The following C1orf167 variants were observed in gnomAD, a reference collection of about 807,000 sequenced individuals.
The protein encoded by C1orf167 is chromosome 1 open reading frame 167, also known as uncharacterized protein C1orf167.
Under a neutral mutation model 176.5 loss-of-function variants are expected in C1orf167, and 153 were observed. The observed-to-expected ratio is 0.87, with a 90% CI of 0.76 to 0.99. The LOEUF (loss-of-function observed/expected upper bound fraction) is 0.99, where lower values mean the gene tolerates loss of function less well. C1orf167 is among the 50% of genes least tolerant of loss of function. The probability of loss-of-function intolerance (pLI) is 0.00; values close to 1 mark genes in which losing one functional copy is unlikely to be tolerated. For synonymous variants in C1orf167, 594 were observed against 752.7 expected (o/e 0.79, Z 3.45); for missense variants, 1,490 against 1,817.7 (o/e 0.82, Z 3.28).
In C1orf167 at chr1:11,775,630, C is replaced by A. The variant is rs1454474040; in HGVS notation, c.2164+20C>A. 1 of 1,292,270 alleles carries A rather than the reference C, an allele frequency of 7.7e-7. No individual in the cohort carries two copies. The highest frequency in any genetic ancestry group is 1.3e-5 in the South Asian group (1 of 79,416). The allele number at this position is 1,292,270 out of a possible 1,614,324, so 80.1% of individuals were successfully genotyped here. On this transcript the variant is annotated intron_variant, in intron 9 of 20. Transcript: ENST00000688073. ...AAGCAGGTGAGCTAGTGTTGGCTTC[C>A]GCCCCAGCAAACCGTGTCACTTAAG...
chr1:11,783,264 T>G (rs1019902285), intron 14 of C1orf167, among the ~76,000 whole-genome samples: 3 of 152,034 alleles, frequency 2.0e-5, no homozygotes, highest in Admixed American at 2.0e-4. Flanking sequence ...GTTTGTTTTT[T>G]GAGACAGAGT....
At position 11,788,023 on chromosome 1, in the gene C1orf167, G is replaced by C. The variant is rs371188005; in HGVS notation, c.3824G>C (p.Ser1275Thr). 37 of 1,301,114 alleles carry C rather than the reference G, an allele frequency of 2.8e-5. No individual in the cohort carries two copies. Among genetic ancestry groups the C allele is most frequent in the Non-Finnish European group, 3.4e-5 (34 of 987,464 alleles). The allele number at this position is 1,301,114 out of a possible 1,614,324, so 80.6% of individuals were successfully genotyped here. ...SPEPRACKAQSKAHKRRLRAR... is the reference protein window; with the variant it reads ...SPEPRACKAQTKAHKRRLRAR... ...GAGCCCAGAGCCTGCAAAGCCCAAAGCAAGGCCCATAAACGGAGGCTACGG... is the reference window on the plus strand; with the variant it reads ...GAGCCCAGAGCCTGCAAAGCCCAAACCAAGGCCCATAAACGGAGGCTACGG... Residue 1275 changes from serine to threonine, a missense_variant, in exon 18 of 21, where the codon AGC becomes ACC. By Grantham distance (58) the Ser-to-Thr change is moderately conservative. Coordinates refer to ENST00000688073, the MANE Select transcript of C1orf167 (RefSeq NM_001010881.2).
chr1:11,767,488 G>A (rs1441998634), intron 4 of C1orf167, among the ~76,000 whole-genome samples: 1 of 152,116 alleles, frequency 6.6e-6, no homozygotes, highest in East Asian at 1.9e-4. Flanking sequence ...GGGACACTGA[G>A]TGTCCTGAAC....
rs1355913522 is a variant in C1orf167, at chr1:11,775,615, G to A, written c.2164+5G>A. ...CCCTCTGCCGGCAGAAAGCAGGTGA[G>A]CTAGTGTTGGCTTCCGCCCCAGCAA... On this transcript the variant is annotated splice_donor_5th_base_variant and intron_variant, in intron 9 of 20. Transcript: ENST00000688073. 3.8e-6 allele frequency: 5 copies of A among 1,298,904 alleles called. No homozygotes were observed. Among genetic ancestry groups the A allele is most frequent in the South Asian group, 2.5e-5 (2 of 80,386 alleles). 80.5% of individuals were successfully genotyped at this position (1,298,904 alleles called of 1,614,324 possible).
chr1:11,776,770 C>T (rs1228474956), intron 10 of C1orf167, 132 bp downstream of exon 10: 7 of 881,358 alleles, frequency 7.9e-6, no homozygotes, highest in East Asian at 2.0e-4. Flanking sequence ...CACTCCTCCC[C>T]GTGGCCCTGC....
intron 13 of C1orf167, among the ~76,000 whole-genome samples, chr1:11,781,144 C>A (rs1643583278): frequency 6.6e-6 from 1 of 151,682 alleles, no homozygotes; most frequent in Non-Finnish European, 1.5e-5. Context: ...ATTACAGGCG[C>A]CTGCCACCAC....
In C1orf167 at chr1:11,762,249, C is replaced by T. The variant is rs369158852; in HGVS notation, c.-127C>T. 9.2e-6 allele frequency: 4 copies of T among 435,098 alleles called. No individual in the cohort carries two copies. The allele number at this position is 435,098 out of a possible 1,614,324, so 27.0% of individuals were successfully genotyped here. A position where few individuals can be genotyped will look rare whatever the true frequency, so the allele number is the denominator to read the frequency against. On this transcript the variant is annotated 5_prime_UTR_variant, in exon 1 of 21. Coordinates refer to ENST00000688073, the MANE Select transcript of C1orf167 (RefSeq NM_001010881.2). ...TGCGGGGATCGTTAGCGGTCCCAGC[C>T]CCCGTCTAGATTCAAATCCGACTGG...
At position 11,788,134 on chromosome 1, in the gene C1orf167, G is replaced by T. The variant is rs1296826436; in HGVS notation, c.3849-15G>T. The T allele has an allele frequency of 7.8e-7, 1 of 1,279,460 alleles. No homozygotes were observed. Among genetic ancestry groups the T allele is most frequent in the Non-Finnish European group, 1.0e-6 (1 of 970,480 alleles). The allele number at this position is 1,279,460 out of a possible 1,614,324, so 79.3% of individuals were successfully genotyped here. A position where few individuals can be genotyped will look rare whatever the true frequency, so the allele number is the denominator to read the frequency against. ...TTGCCTGAGCCATGGCTACAGCTGG[G>T]CCCTCTCTGGCCAGTGCTCGTTCCT... On this transcript the variant is annotated splice_polypyrimidine_tract_variant and intron_variant, in intron 18 of 20. Coordinates refer to ENST00000688073, the MANE Select transcript of C1orf167 (RefSeq NM_001010881.2).
At chr1:11,763,156 G>A (rs927909170) in intron 1 of C1orf167, among the ~76,000 whole-genome samples, 4 of 152,136 alleles carry the variant, frequency 2.6e-5, no homozygotes, top group South Asian at 4.1e-4. Flanking sequence ...AAGACTTTGC[G>A]GGGCTGGGTG....
chr1:11,789,371 G>A lies in C1orf167; in HGVS notation c.4275G>A (p.Glu1425=), dbSNP rs1478063884. The change falls in exon 21 of 21, where the codon GAG becomes GAA. Residue 1425 remains glutamate (E), a synonymous_variant. Transcript: ENST00000688073. ...GCAAGCCAGGCCCCAAGGGCCCCGA[G>A]AGTGGACAGGAAGCCGCCAGAGCAC... ...PWSKPGPKGP[E]SGQEAARAPR... The A allele has an allele frequency of 5.4e-6, 7 of 1,303,988 alleles. No individual in the cohort carries two copies. Among genetic ancestry groups the A allele is most frequent in the Non-Finnish European group, 7.1e-6 (7 of 988,874 alleles). 80.8% of individuals were successfully genotyped at this position (1,303,988 alleles called of 1,614,324 possible). A position where few individuals can be genotyped will look rare whatever the true frequency, so the allele number is the denominator to read the frequency against.
In C1orf167 at chr1:11,782,352, G is replaced by C. The variant is rs1434899828; in HGVS notation, c.3005+19G>C. On this transcript the variant is annotated intron_variant, in intron 14 of 20. Transcript: ENST00000688073. ...TGCAGAGGTGGGTGGGCCTGGGGGT[G>C]GGAGGGTGTTGGTCCTCCCCACGCA... The C allele has an allele frequency of 8.2e-7, 1 of 1,224,604 alleles. No homozygotes were observed. The highest frequency in any genetic ancestry group is 6.7e-5 in the East Asian group (1 of 14,830). 75.9% of individuals were successfully genotyped at this position (1,224,604 alleles called of 1,614,324 possible). A position where few individuals can be genotyped will look rare whatever the true frequency, so the allele number is the denominator to read the frequency against.
chr1:11,763,121 G>A (rs1446577837), intron 1 of C1orf167, among the ~76,000 whole-genome samples: 1 of 152,140 alleles, frequency 6.6e-6, no homozygotes, highest in Admixed American at 6.5e-5. Flanking sequence ...AATTGGGGAG[G>A]ACCATAACTG....
At position 11,766,378 on chromosome 1, in the gene C1orf167, C is replaced by A; in HGVS notation, c.592C>A (p.Leu198Ile). ...APLDGHTQPGLRSWGGLGSWR... is the reference protein window; with the variant it reads ...APLDGHTQPGIRSWGGLGSWR... ...TCTCGATGGGCATACACAGCCAGGC[C>A]TCAGATCCTGGGGTGGTCTGGGGAG... Residue 198 changes from leucine (L) to isoleucine (I), a missense_variant, in exon 3 of 21, where the codon CTC becomes ATC. Coordinates refer to ENST00000688073, the MANE Select transcript of C1orf167 (RefSeq NM_001010881.2). The surrounding 1 kb of genome is among the most constrained non-coding windows in gnomAD (Gnocchi z 4.5). The A allele has an allele frequency of 1.6e-6, 2 of 1,268,796 alleles. No individual in the cohort carries two copies. The highest frequency in any genetic ancestry group is 2.5e-5 in the South Asian group (2 of 78,746). The allele number at this position is 1,268,796 out of a possible 1,614,324, so 78.6% of individuals were successfully genotyped here.
At chr1:11,788,841 C>T in intron 20 of C1orf167, 95 bp downstream of exon 20, 1 of 1,160,580 alleles carries the variant, frequency 8.6e-7, no homozygotes. Flanking sequence ...GGAGCTTTCC[C>T]TGCTTGCCAG....
chr1:11,780,780 C>T (rs1018976750), intron 13 of C1orf167, among the ~76,000 whole-genome samples: 1 of 152,032 alleles, frequency 6.6e-6, no homozygotes, highest in Non-Finnish European at 1.5e-5. Flanking sequence ...GAGGAGGGCT[C>T]AGCGGGCAGA....
intron 4 of C1orf167, 115 bp from the exon 5 acceptor site, chr1:11,767,962 T>C: frequency 1.4e-6 from 1 of 732,834 alleles, no homozygotes. Flanking sequence ...TGTTGTGGCG[T>C]GGGTCATCAC....
rs1441611174 is a variant in C1orf167, at chr1:11,784,505, T to G, written c.3337T>G (p.Cys1113Gly). 7.7e-7 allele frequency: 1 copy of G among 1,302,706 alleles called. No individual in the cohort carries two copies. The highest frequency in any genetic ancestry group is 1.5e-5 in the African/African-American group (1 of 65,850). 80.7% of individuals were successfully genotyped at this position (1,302,706 alleles called of 1,614,324 possible). A position where few individuals can be genotyped will look rare whatever the true frequency, so the allele number is the denominator to read the frequency against. ...GESAGAQAAQ[C>G]WTWCWALWVH... ...GAGCGCTGGGGCCCAGGCAGCCCAGTGCTGGACTTGGTGCTGGGCTCTGTG... is the reference window on the plus strand; with the variant it reads ...GAGCGCTGGGGCCCAGGCAGCCCAGGGCTGGACTTGGTGCTGGGCTCTGTG... The change falls in exon 15 of 21, where the codon TGC becomes GGC. Residue 1113 changes from cysteine (C) to glycine (G), a missense_variant. Transcript: ENST00000688073.
Position 11,768,301 on chromosome 1 carries a change from G to A in C1orf167, c.1542+26G>A. On this transcript the variant is annotated intron_variant, in intron 5 of 20. Coordinates refer to ENST00000688073, the MANE Select transcript of C1orf167 (RefSeq NM_001010881.2). The surrounding 1 kb of genome is among the most constrained non-coding windows in gnomAD (Gnocchi z 4.5). ...GTCAGCGGTCTCCAGGTTGGGCCAG[G>A]GGGCCGTGTGAAGCAGTGGTGTGTC... The A allele has an allele frequency of 2.3e-6, 3 of 1,288,400 alleles. No homozygotes were observed. The highest frequency in any genetic ancestry group is 3.0e-6 in the Non-Finnish European group (3 of 987,750). The allele number at this position is 1,288,400 out of a possible 1,614,324, so 79.8% of individuals were successfully genotyped here. A position where few individuals can be genotyped will look rare whatever the true frequency, so the allele number is the denominator to read the frequency against.
chr1:11,776,614 G>A lies in C1orf167; in HGVS notation c.2315G>A (p.Arg772Gln), dbSNP rs954645067. 51 of 1,200,892 alleles carry A rather than the reference G, an allele frequency of 4.2e-5. No homozygotes were observed. Among genetic ancestry groups the A allele is most frequent in the Non-Finnish European group, 5.0e-5 (47 of 939,344 alleles). The allele number at this position is 1,200,892 out of a possible 1,614,324, so 74.4% of individuals were successfully genotyped here. ...TGGGCGCTGCTGCTGTGGAAGATGCGGCTTTTCCAGCGCCAGTGGGCCAAG... is the reference window on the plus strand; with the variant it reads ...TGGGCGCTGCTGCTGTGGAAGATGCAGCTTTTCCAGCGCCAGTGGGCCAAG... ...LCWALLLWKM[R>Q]LFQRQWANSF... is the part of the protein sequence containing the mutation. The change falls in exon 10 of 21, where the codon CGG becomes CAG. Residue 772 changes from arginine to glutamine, a missense_variant. By Grantham distance (43) the Arg-to-Gln change is conservative. Coordinates refer to ENST00000688073, the MANE Select transcript of C1orf167 (RefSeq NM_001010881.2).
Sources: allele counts gnomAD v4.1 joint callset (sites outside exome capture counted in the v4.1 genomes callset), GRCh38; gene constraint gnomAD v4.1.1; non-coding constraint Gnocchi (gnomAD v3.1); transcripts MANE v1.5; gene names NCBI Gene and HGNC (gene_info 2026-07-23, HGNC 2026-07-21).